The following DNAH11 variants were observed in gnomAD, a reference collection of about 807,000 sequenced individuals.
The protein encoded by DNAH11 is axonemal beta dynein heavy chain 11.
In DNAH11, 442 loss-of-function variants were observed where a neutral mutation model predicts 526.0. The observed-to-expected ratio is 0.84, with a 90% CI of 0.78 to 0.91. The LOEUF is 0.91. Among genes scored for constraint, DNAH11 ranks in the 40% least tolerant of loss-of-function variants. The pLI is 0.00. For synonymous variants in DNAH11, 2,461 were observed against 1,935.9 expected, an observed-to-expected ratio of 1.27 and a Z score of -7.12; for missense variants, 6,989 against 5,448.7, an observed-to-expected ratio of 1.28 and a Z score of -8.90.
intron 55 of DNAH11, 73 bp downstream of exon 55, chr7:21,765,662 T>G (rs1158298378): frequency 3.0e-5 from 36 of 1,217,070 alleles, no homozygotes; most frequent in Non-Finnish European, 3.7e-5. Context: ...ACACACACTC[T>G]GAAAATCCTC....
chr7:21,704,528 C>T lies in DNAH11; in HGVS notation c.6368C>T (p.Ala2123Val). ...FLGLVGDLFP[A>V]LDVPRRRKLH... Reference sequence around the variant, plus strand: ...GGCCTGGTCGGTGACCTGTTTCCAGCCCTGGATGTGCCCCGGAGGAGGAAG... The same window carrying T: ...GGCCTGGTCGGTGACCTGTTTCCAGTCCTGGATGTGCCCCGGAGGAGGAAG... Residue 2123 changes from alanine (A) to valine (V), a missense_variant, in exon 38 of 82, where the codon GCC becomes GTC. By Grantham distance (64) the Ala-to-Val change is moderately conservative. Coordinates refer to ENST00000409508, the MANE Select transcript of DNAH11 (RefSeq NM_001277115.2). 1 of 1,613,806 alleles carries T rather than the reference C, an allele frequency of 6.2e-7. No individual in the cohort carries two copies. The highest frequency in any genetic ancestry group is 8.5e-7 in the Non-Finnish European group (1 of 1,179,830).
intron 38 of DNAH11, among the ~76,000 whole-genome samples, chr7:21,705,102 A>T (rs1006343231): frequency 1.3e-5 from 2 of 152,212 alleles, no homozygotes; most frequent in Non-Finnish European, 2.9e-5. Context: ...CACTATATAC[A>T]TTATCCATTT....
At chr7:21,861,459 G>A (rs569911503) in intron 68 of DNAH11, among the ~76,000 whole-genome samples, 1 of 152,150 alleles carries the variant, frequency 6.6e-6, no homozygotes, top group Non-Finnish European at 1.5e-5. Context: ...ATTTCTTGTG[G>A]TTACACAAGA....
Position 21,551,731 on chromosome 7 carries a change from C to T in DNAH11, c.495+6582C>T, listed in dbSNP as rs535170697. 1.6e-4 allele frequency among the ~76,000 whole-genome samples: 24 copies of T among 152,318 alleles called. No individual in the cohort carries two copies. The South Asian group carries it at 1.9e-3, about 12-fold the overall frequency. On this transcript the variant is annotated intron_variant, in intron 2 of 81. Transcript: ENST00000409508. ...CTTATCCCATCATGTAGTGGAGCTT[C>T]CCTAAGGTTTGGTCTAACTTTTCTT... is the stretch of plus-strand genomic sequence containing the variant.
intron 27 of DNAH11, 85 bp from the exon 28 acceptor site, chr7:21,638,854 A>C: frequency 6.8e-7 from 1 of 1,469,690 alleles, no homozygotes; most frequent in Non-Finnish European, 9.2e-7. Flanking sequence ...TAATGAATGG[A>C]CATAGAGGAC....
At chr7:21,899,788 C>T (rs931220775) in intron 80 of DNAH11, among the ~76,000 whole-genome samples, 192 bp from the exon 81 acceptor site, 1 of 151,406 alleles carries the variant, frequency 6.6e-6, no homozygotes, top group Admixed American at 6.6e-5. Flanking sequence ...TCCAATAAAA[C>T]TATCTACAGA....
intron 2 of DNAH11, among the ~76,000 whole-genome samples, chr7:21,547,510 A>G (rs1378460554): frequency 6.6e-6 from 1 of 152,220 alleles, no homozygotes; most frequent in Non-Finnish European, 1.5e-5. Context: ...GTTGAGTACT[A>G]TGGGGTTACA....
intron 45 of DNAH11, among the ~76,000 whole-genome samples, chr7:21,729,015 C>T (rs1785261200): frequency 6.6e-6 from 1 of 152,226 alleles, no homozygotes; most frequent in Admixed American, 6.5e-5. Context: ...CATCCTGGCT[C>T]AGTGACAGAA....
Position 21,702,822 on chromosome 7 carries a change from A to G in DNAH11, c.6273+20A>G, listed in dbSNP as rs1201614335. The stretch of plus-strand genomic sequence containing the variant: ...GATCAGGTACTGCAATGCTAATATG[A>G]TTTTGTTGAGTGAGTAGCTGGCCTG... On this transcript the variant is annotated intron_variant, in intron 37 of 81. Transcript: ENST00000409508. The G allele has an allele frequency of 1.2e-6, 2 of 1,603,344 alleles. No individual in the cohort carries two copies. Among genetic ancestry groups the G allele is most frequent in the East Asian group, 2.2e-5 (1 of 44,748 alleles).
At chr7:21,561,798 T>C (rs1242180014) in intron 5 of DNAH11, among the ~76,000 whole-genome samples, 2 of 152,248 alleles carry the variant, frequency 1.3e-5, no homozygotes, top group African/African-American at 2.4e-5. Flanking sequence ...TCTTTGCACA[T>C]GTATAAGCAT....
intron 6 of DNAH11, among the ~76,000 whole-genome samples, chr7:21,569,477 T>G (rs1460196465): frequency 2.6e-5 from 4 of 152,162 alleles, no homozygotes; most frequent in African/African-American, 9.7e-5. Context: ...GTCTTTTCTT[T>G]TATCCTTCTC....
intron 57 of DNAH11, among the ~76,000 whole-genome samples, chr7:21,783,757 G>C (rs973016565): frequency 6.6e-6 from 1 of 151,976 alleles, no homozygotes; most frequent in African/African-American, 2.4e-5. Flanking sequence ...CTTGGGAAGA[G>C]GTGCCACTGG....
chr7:21,761,550 C>G (rs1276438896), intron 54 of DNAH11, among the ~76,000 whole-genome samples: 13 of 152,162 alleles, frequency 8.5e-5, no homozygotes, highest in South Asian at 2.1e-4. Context: ...CTGTGGGTGT[C>G]AGAATCACCT....
At chr7:21,615,976 A>G (rs536670611) in intron 21 of DNAH11, among the ~76,000 whole-genome samples, 2 of 152,340 alleles carry the variant, frequency 1.3e-5, no homozygotes, top group East Asian at 3.9e-4. Context: ...TATGGAATTT[A>G]TCATCGCTAC....
chr7:21,755,638 T>C (rs11982102), intron 54 of DNAH11, among the ~76,000 whole-genome samples: 6,517 of 152,176 alleles, frequency 0.043, 460 homozygotes, highest in African/African-American at 0.15. Context: ...AGATAACATA[T>C]TGGTATGTTT....
rs575504339 is a variant in DNAH11, at chr7:21,786,801, A to T, written c.9741+34A>T. On this transcript the variant is annotated intron_variant, in intron 59 of 81. Transcript: ENST00000409508. ...CCAGCCTGGCAAGATGAAAATCCTG[A>T]TAATTTCCATACTGTTTTCAGTACT... 7.4e-6 allele frequency: 12 copies of T among 1,611,774 alleles called. No homozygotes were observed. In the African/African-American group the frequency reaches 1.5e-4, roughly 20 times the overall value.
rs746101357 is a variant in DNAH11, at chr7:21,635,917, T to A, written c.4547T>A (p.Ile1516Asn). 1 of 1,613,324 alleles carries A rather than the reference T, an allele frequency of 6.2e-7. No homozygotes were observed. Among genetic ancestry groups the A allele is most frequent in the Non-Finnish European group, 8.5e-7 (1 of 1,179,584 alleles). Residue 1516 changes from isoleucine (I) to asparagine (N), a missense_variant, in exon 26 of 82, where the codon ATT becomes AAT. Physicochemically the swap from Ile to Asn is moderately radical, Grantham distance 149 (BLOSUM62 -3). Coordinates refer to ENST00000409508, the MANE Select transcript of DNAH11 (RefSeq NM_001277115.2). ...CAAAGCAAGTATGTAGAATATTTCA[T>A]TGAGCAAGTGTTAAGCTGGCAAAAT... ...LLQSKYVEYF[I>N]EQVLSWQNKL... is the part of the protein sequence containing the mutation.
intron 2 of DNAH11, among the ~76,000 whole-genome samples, chr7:21,555,063 T>C (rs1349222462): frequency 6.6e-6 from 1 of 152,036 alleles, no homozygotes; most frequent in East Asian, 1.9e-4. Context: ...GGGCAGGAAC[T>C]TTTTACTAGG....
chr7:21,848,928 C>T (rs1214667593), intron 66 of DNAH11, among the ~76,000 whole-genome samples: 2 of 152,142 alleles, frequency 1.3e-5, no homozygotes, highest in African/African-American at 2.4e-5. Flanking sequence ...TCTTGTTGCC[C>T]AGGCTGGAGT....
Sources: allele counts gnomAD v4.1 joint callset (sites outside exome capture counted in the v4.1 genomes callset), GRCh38; gene constraint gnomAD v4.1.1; transcripts MANE v1.5; gene names NCBI Gene and HGNC (gene_info 2026-07-23, HGNC 2026-07-21).